Variants in ULK4 observed in about 807,000 individuals in gnomAD.
ULK4 encodes the protein inactive serine/threonine-protein kinase ULK4.
Under a neutral mutation model 160.6 loss-of-function variants are expected in ULK4, and 133 were observed. The observed-to-expected ratio is 0.83, with a 90% CI of 0.72 to 0.96. ULK4 has a LOEUF of 0.96. ULK4 is among the 40% of genes least tolerant of loss of function. The probability of loss-of-function intolerance (pLI) is 0.00; values close to 1 mark genes in which losing one functional copy is unlikely to be tolerated. For synonymous variants in ULK4, 534 were observed against 539.8 expected (o/e 0.99, Z 0.15); for missense variants, 1,580 against 1,499.5 (o/e 1.05, Z -0.89).
intron 19 of ULK4, among the ~76,000 whole-genome samples, chr3:41,805,754 G>C (rs1304259736): frequency 7.3e-5 from 11 of 150,422 alleles, no homozygotes; most frequent in East Asian, 3.9e-4. Context: ...TGTGGTTTTT[G>C]TCTTTGGTTC....
At chr3:41,294,098 G>A (rs778203749) in intron 35 of ULK4, among the ~76,000 whole-genome samples, 2 of 152,198 alleles carry the variant, frequency 1.3e-5, no homozygotes, top group Non-Finnish European at 1.5e-5. Flanking sequence ...CCCAAAATAC[G>A]TGTTGGACAC....
intron 32 of ULK4, among the ~76,000 whole-genome samples, chr3:41,492,653 G>A (rs7630539): frequency 0.41 from 61,844 of 149,924 alleles, 13,005 homozygotes; most frequent in African/African-American, 0.45. Flanking sequence ...AAGAGTCAAG[G>A]CCCATCAGTA....
At chr3:41,905,627 TAAAG>T (rs1310093635) in intron 12 of ULK4, among the ~76,000 whole-genome samples, 2 of 151,892 alleles carry the variant, frequency 1.3e-5, no homozygotes, top group Non-Finnish European at 2.9e-5. Context: ...AACTAAATAA[TAAAG>T]AGATAAATAA....
At chr3:41,744,756 T>C (rs928801978) in intron 22 of ULK4, among the ~76,000 whole-genome samples, 8 of 151,828 alleles carry the variant, frequency 5.3e-5, no homozygotes, top group African/African-American at 1.5e-4. Flanking sequence ...AGCAGCAGAA[T>C]GTACATGCTT....
chr3:41,261,506 G>C (rs1003274169), intron 35 of ULK4, among the ~76,000 whole-genome samples: 24 of 152,148 alleles, frequency 1.6e-4, no homozygotes, highest in Non-Finnish European at 5.9e-5. Context: ...ACCTGGCAAA[G>C]TTGTTGGCTG....
At chr3:41,475,610 T>C (rs2084117715) in intron 32 of ULK4, among the ~76,000 whole-genome samples, 1 of 152,116 alleles carries the variant, frequency 6.6e-6, no homozygotes. Flanking sequence ...CAACTATAAT[T>C]TGTCAGTTAC....
intron 32 of ULK4, among the ~76,000 whole-genome samples, chr3:41,556,006 A>G (rs76756218): frequency 1.3e-5 from 2 of 152,178 alleles, no homozygotes; most frequent in East Asian, 3.9e-4. Context: ...GAAGAAAACA[A>G]CACACACTGG....
intron 32 of ULK4, among the ~76,000 whole-genome samples, chr3:41,516,066 C>T (rs2085737867): frequency 7.3e-6 from 1 of 136,584 alleles, no homozygotes; most frequent in Non-Finnish European, 1.7e-5. Flanking sequence ...GCATGTTAAA[C>T]CTCAATAAAA....
chr3:41,419,042 G>A (rs2082597102), intron 34 of ULK4, among the ~76,000 whole-genome samples: 1 of 152,192 alleles, frequency 6.6e-6, no homozygotes, highest in Admixed American at 6.5e-5. Context: ...CATAAGTCCT[G>A]TGGCATTACT....
At chr3:41,626,058 G>T (rs1305461277) in intron 30 of ULK4, among the ~76,000 whole-genome samples, 4 of 152,106 alleles carry the variant, frequency 2.6e-5, no homozygotes, top group Non-Finnish European at 5.9e-5. Context: ...CTTTAATGGT[G>T]CCATTTAATG....
At chr3:41,681,472 C>G (rs1262321980) in intron 29 of ULK4, 36 bp downstream of exon 29, 1 of 1,611,782 alleles carries the variant, frequency 6.2e-7, no homozygotes, top group Admixed American at 1.7e-5. Context: ...GGATAGCCTA[C>G]ACTTCTCTGC....
At chr3:41,710,748 C>T (rs575246331) in intron 25 of ULK4, among the ~76,000 whole-genome samples, 3 of 150,386 alleles carry the variant, frequency 2.0e-5, no homozygotes, top group Non-Finnish European at 2.9e-5. Flanking sequence ...GAGCCGAGAT[C>T]GCTCCGCTGC....
rs2125724782 is a variant in ULK4 at position 41,644,515 on chromosome 3, A to T, written c.3071+19092T>A. On this transcript the variant is annotated intron_variant, in intron 30 of 36. Transcript: ENST00000301831. ...TACATTTATTGATTTGTGTATATTG[A>T]ACCAGCCTTGCATCCCAGGGATGAA... is the stretch of plus-strand genomic sequence containing the variant. Among the ~76,000 whole-genome samples the T allele has an allele frequency of 1.3e-5, 2 of 152,288 alleles. 1 individual carries two copies. The highest frequency in any genetic ancestry group is 4.1e-4 in the South Asian group (2 of 4,820).
At chr3:41,498,169 G>C (rs1441611309) in intron 32 of ULK4, among the ~76,000 whole-genome samples, 1 of 152,078 alleles carries the variant, frequency 6.6e-6, no homozygotes, top group Admixed American at 6.5e-5. Context: ...AATAAGTTTA[G>C]GAATTTTCAA....
chr3:41,392,070 G>C (rs1026610215), intron 35 of ULK4, among the ~76,000 whole-genome samples: 7 of 152,114 alleles, frequency 4.6e-5, no homozygotes, highest in African/African-American at 1.4e-4. Context: ...GTTGGAGTAA[G>C]CTAGCTTTAA....
intron 34 of ULK4, among the ~76,000 whole-genome samples, chr3:41,451,726 T>C (rs1247165386): frequency 1.2e-4 from 18 of 152,134 alleles, no homozygotes; most frequent in Admixed American, 1.1e-3. Flanking sequence ...TCAGGAACTA[T>C]TGGTAGTACA....
intron 34 of ULK4, among the ~76,000 whole-genome samples, chr3:41,431,546 C>CTTTTTT (rs2082908369): frequency 1.8e-5 from 1 of 54,082 alleles, no homozygotes; most frequent in African/African-American, 1.2e-4. Context: ...TAATTCCCTC[C>CTTTTTT]CTTTTTTTTT....
intron 27 of ULK4, among the ~76,000 whole-genome samples, chr3:41,699,676 A>G (rs1275242552): frequency 6.6e-6 from 1 of 152,228 alleles, no homozygotes; most frequent in Admixed American, 6.5e-5. Flanking sequence ...CATACAATAT[A>G]GTATTGATCA....
At chr3:41,802,661 C>T (rs1391448035) in intron 19 of ULK4, among the ~76,000 whole-genome samples, 3 of 152,018 alleles carry the variant, frequency 2.0e-5, no homozygotes, top group Admixed American at 6.6e-5. Context: ...CATATGTAGA[C>T]ATAAAATGTA....
Sources: gnomAD v4.1 joint callset for allele counts (sites outside exome capture counted in the v4.1 genomes callset) on GRCh38, gnomAD v4.1.1 for gene constraint, MANE v1.5 for transcripts, NCBI Gene and HGNC (gene_info 2026-07-23, HGNC 2026-07-21) for gene names.